S100A13: variants seen among roughly 807,000 people sequenced by gnomAD.
S100A13 encodes the protein S100 calcium binding protein A13, also known as protein S100-A13.
In S100A13, 6 loss-of-function variants were observed where a neutral mutation model predicts 8.2. The observed-to-expected ratio is 0.73, with a 90% confidence interval of 0.40 to 1.44. S100A13 has a LOEUF of 1.44. S100A13 is among the 40% of genes most tolerant of loss of function. The pLI is 0.02. For missense variants in S100A13, 114 were observed against 113.6 expected (o/e 1.00, Z -0.02); for synonymous variants, 39 against 45.9 (o/e 0.85, Z 0.61).
At chr1:153,624,466 A>T (rs568657578) in intron 2 of S100A13, among the ~76,000 whole-genome samples, 8 of 152,096 alleles carry the variant, frequency 5.3e-5, no homozygotes, top group Non-Finnish European at 8.8e-5. Flanking sequence ...CTTAGAAAGA[A>T]GAAGAAACTA....
upstream of S100A13, chr1:153,630,684 G>A: frequency 6.2e-7 from 1 of 1,612,246 alleles, no homozygotes; most frequent in Non-Finnish European, 8.5e-7. Context: ...GTGGTGGAGT[G>A]GGAGTGGAGT....
chr1:153,631,783 T>C, upstream of S100A13: 4 of 1,614,190 alleles, frequency 2.5e-6, no homozygotes, highest in South Asian at 3.3e-5. Context: ...CAGGAGTATG[T>C]GGTGCTTGTG....
chr1:153,630,063 C>T (rs1361849365), upstream of S100A13: 1 of 187,122 alleles, frequency 5.3e-6, no homozygotes, highest in Non-Finnish European at 1.1e-5. Context: ...GTAGTGGACA[C>T]CCCAGCCCAC....
chr1:153,620,743 T>G (rs1667189243), intron 2 of S100A13, among the ~76,000 whole-genome samples: 1 of 152,030 alleles, frequency 6.6e-6, no homozygotes, highest in African/African-American at 2.4e-5. Flanking sequence ...TGTGCATAGG[T>G]TATATGCAAG....
chr1:153,621,205 G>T (rs1571281390), intron 2 of S100A13, among the ~76,000 whole-genome samples: 1 of 146,994 alleles, frequency 6.8e-6, no homozygotes, highest in Middle Eastern at 3.7e-3. Flanking sequence ...CGCCCAGGCT[G>T]GCGTGCAGTA....
upstream of S100A13, chr1:153,630,803 T>G: frequency 8.6e-7 from 1 of 1,167,420 alleles, no homozygotes; most frequent in Non-Finnish European, 1.2e-6. Context: ...TCCTGGGTTT[T>G]TCCAGGCTCC....
chr1:153,631,316 T>G (rs947619978), upstream of S100A13: 3 of 765,694 alleles, frequency 3.9e-6, no homozygotes, highest in African/African-American at 3.5e-5. Flanking sequence ...TTTCTAGCTG[T>G]GGGACTTTGG....
rs765419956 is a variant in S100A13 at position 153,618,987 on chromosome 1, A to G, written c.205T>C (p.Ser69Pro). ...KMKSLDVNQD[S>P]ELKFNEYWRL... ...CAGTACTCATTGAACTTGAGCTCCG[A>G]GTCCTGATTCACATCCAAGCTCTTC... Residue 69 changes from serine to proline, a missense_variant, in exon 3 of 3, where the codon TCG becomes CCG. Coordinates refer to ENST00000476133, the MANE Select transcript of S100A13 (RefSeq NM_001024211.2). 6.2e-7 allele frequency: 1 copy of G among 1,613,912 alleles called. No individual in the cohort carries two copies. The highest frequency in any genetic ancestry group is 8.5e-7 in the Non-Finnish European group (1 of 1,179,852).
intron 2 of S100A13, among the ~76,000 whole-genome samples, chr1:153,624,983 G>A (rs1031966608): frequency 1.3e-5 from 2 of 152,166 alleles, no homozygotes; most frequent in Admixed American, 1.3e-4. Flanking sequence ...GCTGAGGTAA[G>A]AGAACCACTT....
At chr1:153,629,900 G>A (rs1667906625), upstream of S100A13, 1 of 153,550 alleles carries the variant, frequency 6.5e-6, no homozygotes, top group Non-Finnish European at 1.4e-5. Context: ...GGACCAAAAG[G>A]GGCCCCCAGC....
At chr1:153,623,413 T>C (rs1314856373) in intron 2 of S100A13, among the ~76,000 whole-genome samples, 1 of 150,868 alleles carries the variant, frequency 6.6e-6, no homozygotes, top group Admixed American at 6.6e-5. Flanking sequence ...TTTGAGACAG[T>C]CTCCCTCTGT....
intron 2 of S100A13, among the ~76,000 whole-genome samples, chr1:153,622,379 A>T (rs1236406670): frequency 1.3e-5 from 2 of 152,228 alleles, no homozygotes; most frequent in Non-Finnish European, 2.9e-5. Context: ...TCAAAAACAA[A>T]TTAAAAATGA....
upstream of S100A13, chr1:153,632,266 C>CTTTT (rs397863604): frequency 2.1e-4 from 19 of 91,812 alleles, no homozygotes; most frequent in Admixed American, 6.1e-4. Flanking sequence ...AAGAAATAAT[C>CTTTT]TTTTTTTTTT....
Position 153,618,854 on chromosome 1 carries a change from G to A in S100A13, c.*41C>T. The stretch of plus-strand genomic sequence containing the variant: ...GAAGAGTGCGGTTCTGCTCGGCCCT[G>A]ATCAGCTCTGCCCTGCCCACCCCAT... On this transcript the variant is annotated 3_prime_UTR_variant, in exon 3 of 3. Transcript: ENST00000476133. The A allele has an allele frequency of 5.0e-6, 8 of 1,606,468 alleles. No homozygotes were observed. Among genetic ancestry groups the A allele is most frequent in the Non-Finnish European group, 6.8e-6 (8 of 1,174,510 alleles).
At chr1:153,631,555 T>C (rs764280243), upstream of S100A13, 6 of 1,613,822 alleles carry the variant, frequency 3.7e-6, no homozygotes, top group South Asian at 1.1e-5. Context: ...CTCAAGACCT[T>C]TGAGGAGGCC....
At chr1:153,623,012 C>T (rs1400481124) in intron 2 of S100A13, among the ~76,000 whole-genome samples, 2 of 151,720 alleles carry the variant, frequency 1.3e-5, no homozygotes, top group African/African-American at 4.8e-5. Context: ...ATCACTTGAG[C>T]GTAGGAGGTA....
At chr1:153,628,049 T>A (rs1163193951), upstream of S100A13, 2 of 1,550,286 alleles carry the variant, frequency 1.3e-6, no homozygotes, top group African/African-American at 2.7e-5. Flanking sequence ...AGTTTCTCAC[T>A]GAGGGTCCTC....
chr1:153,623,225 G>A (rs1318184711), intron 2 of S100A13, among the ~76,000 whole-genome samples: 1 of 152,110 alleles, frequency 6.6e-6, no homozygotes, highest in African/African-American at 2.4e-5. Flanking sequence ...TCGCTCTGTC[G>A]GTCACCCAGA....
chr1:153,624,778 G>A (rs1667500065), intron 2 of S100A13, among the ~76,000 whole-genome samples: 1 of 152,078 alleles, frequency 6.6e-6, no homozygotes, highest in Admixed American at 6.6e-5. Flanking sequence ...ATCTCTACAA[G>A]TAACTTAAAA....
Sources: allele counts gnomAD v4.1 joint callset (sites outside exome capture counted in the v4.1 genomes callset), GRCh38; gene constraint gnomAD v4.1.1; transcripts MANE v1.5; gene names NCBI Gene and HGNC (gene_info 2026-07-23, HGNC 2026-07-21).